C2orf74: variants seen among roughly 807,000 people sequenced by gnomAD.
The protein encoded by C2orf74 is uncharacterized protein C2orf74.
In C2orf74, 14 loss-of-function variants were observed where a neutral mutation model predicts 17.9. The observed-to-expected ratio is 0.78, with a 90% confidence interval of 0.52 to 1.22. The LOEUF is 1.22. Ranked by LOEUF, C2orf74 falls within the 50% of genes most tolerant of loss-of-function variation. The pLI, the probability that C2orf74 is intolerant of heterozygous loss-of-function variation, is 0.00. For synonymous variants in C2orf74, 79 were observed against 72.6 expected, an observed-to-expected ratio of 1.09 and a Z score of -0.44; for missense variants, 217 against 218.4, an observed-to-expected ratio of 0.99 and a Z score of 0.04.
chr2:61,152,299 T>C (rs539097814), intron 1 of C2orf74, among the ~76,000 whole-genome samples: 26 of 152,092 alleles, frequency 1.7e-4, no homozygotes, highest in African/African-American at 5.3e-4. Flanking sequence ...CCCAGCACTT[T>C]GGGAGGCCGA....
chr2:61,161,105 G>A (rs1017583534), upstream of C2orf74, among the ~76,000 whole-genome samples: 1 of 152,008 alleles, frequency 6.6e-6, no homozygotes, highest in Admixed American at 6.6e-5. Context: ...CCCCCTATTG[G>A]GTATGAGGTG....
At chr2:61,145,449 T>C (rs1685039770) in intron 1 of C2orf74, among the ~76,000 whole-genome samples, 1 of 152,104 alleles carries the variant, frequency 6.6e-6, no homozygotes, top group African/African-American at 2.4e-5. Context: ...TTTTTTGAGA[T>C]GGAGTCCTGT....
At chr2:61,151,088 C>T (rs10177445) in intron 1 of C2orf74, among the ~76,000 whole-genome samples, 2,999 of 151,926 alleles carry the variant, frequency 0.02, 116 homozygotes, top group African/African-American at 0.068. Flanking sequence ...GAGGCCGAGG[C>T]GGGAGGATCA....
upstream of C2orf74, chr2:61,157,944 TG>T (rs1223544834): frequency 2.1e-6 from 1 of 471,296 alleles, no homozygotes; most frequent in African/African-American, 2.0e-5. Flanking sequence ...GAGCCCAAGT[TG>T]CTGCAGATCC....
At chr2:61,152,564 T>G (rs1476527602) in intron 1 of C2orf74, among the ~76,000 whole-genome samples, 1 of 119,644 alleles carries the variant, frequency 8.4e-6, no homozygotes, top group African/African-American at 3.2e-5. Flanking sequence ...AAAAAAAAGC[T>G]GGGGCCGGGC....
chr2:61,157,642 C>T (rs1278186098), upstream of C2orf74, among the ~76,000 whole-genome samples: 2 of 152,308 alleles, frequency 1.3e-5, no homozygotes, highest in Non-Finnish European at 2.9e-5. Context: ...ACTCTCAGCC[C>T]TGCTTTCTTC....
intron 1 of C2orf74, among the ~76,000 whole-genome samples, chr2:61,149,020 G>A (rs1685147501): frequency 1.3e-5 from 2 of 152,156 alleles, no homozygotes; most frequent in South Asian, 4.1e-4. Flanking sequence ...GAGAAATAAG[G>A]TTTTCAAAAC....
chr2:61,147,080 G>A (rs1275456962), intron 1 of C2orf74, among the ~76,000 whole-genome samples: 2 of 151,232 alleles, frequency 1.3e-5, no homozygotes, highest in Non-Finnish European at 2.9e-5. Context: ...GAGGTGGGGG[G>A]ATCGGTTGAG....
At chr2:61,162,773 G>A in intron 2 of C2orf74, 69 bp from the exon 3 acceptor site, 1 of 1,326,308 alleles carries the variant, frequency 7.5e-7, no homozygotes, top group Non-Finnish European at 1.1e-6. Flanking sequence ...TAAACGTGAA[G>A]TTTCTATACC....
chr2:61,162,160 G>T, upstream of C2orf74: 14 of 240,162 alleles, frequency 5.8e-5, no homozygotes, highest in South Asian at 3.3e-4. Flanking sequence ...GAGAAGAATG[G>T]GGAGCTGGGC....
Position 61,162,488 on chromosome 2 carries a change from G to A in C2orf74, c.-27G>A. 3.3e-6 allele frequency: 5 copies of A among 1,503,692 alleles called. No individual in the cohort carries two copies. Among genetic ancestry groups the A allele is most frequent in the Non-Finnish European group, 4.5e-6 (5 of 1,105,434 alleles). The allele number at this position is 1,503,692 out of a possible 1,614,324, so 93.1% of individuals were successfully genotyped here. On this transcript the variant is annotated 5_prime_UTR_variant, in exon 2 of 5. Coordinates refer to ENST00000432605, the MANE Select transcript of C2orf74 (RefSeq NM_001143959.4). Reference sequence around the variant, plus strand: ...ATATTTGGACAGTCTGTGATTGTGAGAGTGGATGAGTCTTCTAGCTAAACC... The same window carrying A: ...ATATTTGGACAGTCTGTGATTGTGAAAGTGGATGAGTCTTCTAGCTAAACC...
chr2:61,152,851 CAAAAA>C (rs11334583), intron 1 of C2orf74, among the ~76,000 whole-genome samples: 3 of 82,656 alleles, frequency 3.6e-5, no homozygotes, highest in Non-Finnish European at 4.9e-5. Context: ...TCCATCTCAC[CAAAAA>C]AAAAAAAAAA....
At chr2:61,154,934 G>A (rs1038318406) in intron 1 of C2orf74, among the ~76,000 whole-genome samples, 1 of 151,888 alleles carries the variant, frequency 6.6e-6, no homozygotes, top group African/African-American at 2.4e-5. Context: ...GTGTGGTGGT[G>A]CACGCCTGTA....
chr2:61,162,922 A>T lies in C2orf74; in HGVS notation c.176A>T (p.Lys59Ile). The change falls in exon 3 of 5, where the codon AAA (lysine) becomes ATA (isoleucine). Residue 59 changes from lysine to isoleucine, a missense_variant. Physicochemically the swap from Lys to Ile is moderately radical, Grantham distance 102. Transcript: ENST00000432605. Reference sequence around the variant, plus strand: ...GGAGGTGTAGACTGTGCAGCTGCCAAAGTGGTGACAAGCAATCCAGAGGAC... The same window carrying T: ...GGAGGTGTAGACTGTGCAGCTGCCATAGTGGTGACAAGCAATCCAGAGGAC... ...ANGGVDCAAA[K>I]VVTSNPEDHE... The T allele has an allele frequency of 6.4e-7, 1 of 1,552,540 alleles. No homozygotes were observed. Among genetic ancestry groups the T allele is most frequent in the Non-Finnish European group, 8.7e-7 (1 of 1,147,134 alleles).
chr2:61,159,503 C>T (rs1685500077), upstream of C2orf74: 3 of 172,286 alleles, frequency 1.7e-5, no homozygotes, highest in South Asian at 3.2e-4. Context: ...GCCATGATGG[C>T]CAGGCTGGTC....
chr2:61,147,641 G>A (rs766780068), intron 1 of C2orf74, among the ~76,000 whole-genome samples: 46 of 152,132 alleles, frequency 3.0e-4, no homozygotes, highest in Admixed American at 2.6e-3. Flanking sequence ...TGTCCTTTGA[G>A]AAGTACCTTT....
chr2:61,156,910 A>T (rs983730262), intron 1 of C2orf74, among the ~76,000 whole-genome samples: 1 of 152,168 alleles, frequency 6.6e-6, no homozygotes, highest in Non-Finnish European at 1.5e-5. Context: ...AAAAGATTCT[A>T]GGTATTTAGT....
In C2orf74 at chr2:61,162,545, T is replaced by C; in HGVS notation, c.31T>C (p.Phe11Leu). 4 of 1,551,798 alleles carry C rather than the reference T, an allele frequency of 2.6e-6. No individual in the cohort carries two copies. Among genetic ancestry groups the C allele is most frequent in the South Asian group, 2.4e-5 (2 of 84,040 alleles). ...CTTTGAAACCACAGCAATCACTTTC[T>C]TCATCATCCTTCTAATTTGCCTCAT... MSFETTAITF[F>L]IILLICLICI... Residue 11 changes from phenylalanine (F) to leucine (L), a missense_variant, in exon 2 of 5, where the codon TTC becomes CTC. Transcript: ENST00000432605.
chr2:61,154,234 CAAAAAAAAA>C (rs34669899), intron 1 of C2orf74, among the ~76,000 whole-genome samples: 1 of 131,808 alleles, frequency 7.6e-6, no homozygotes, highest in South Asian at 2.5e-4. Context: ...AATTCTGTCT[CAAAAAAAAA>C]AAAAAAAAAA....
Sources: allele counts gnomAD v4.1 joint callset (sites outside exome capture counted in the v4.1 genomes callset), GRCh38; gene constraint gnomAD v4.1.1; transcripts MANE v1.5; gene names NCBI Gene and HGNC (gene_info 2026-07-23, HGNC 2026-07-21).